The following SLC7A2 variants were observed in gnomAD, a reference collection of about 807,000 sequenced individuals.
SLC7A2 encodes the protein cationic amino acid transporter 2.
In SLC7A2, 48 loss-of-function variants were observed where a neutral mutation model predicts 58.9. The ratio of observed to expected loss-of-function variants is 0.82; its 90% CI spans 0.65 to 1.04. The LOEUF is 1.04. Among genes scored for constraint, SLC7A2 ranks in the 50% least tolerant of loss-of-function variants. The pLI, the probability that SLC7A2 is intolerant of heterozygous loss-of-function variation, is 0.00. For synonymous variants in SLC7A2, 363 were observed against 314.5 expected, an observed-to-expected ratio of 1.15 and a Z score of -1.63; for missense variants, 1,029 against 818.8, an observed-to-expected ratio of 1.26 and a Z score of -3.13.
intron 1 of SLC7A2, among the ~76,000 whole-genome samples, chr8:17,497,475 C>G (rs1799998924): frequency 1.3e-5 from 2 of 152,172 alleles, no homozygotes. Flanking sequence ...CCTTCGTCCT[C>G]GGGGCTGCGC....
At chr8:17,538,163 A>G (rs17632632) in intron 2 of SLC7A2, among the ~76,000 whole-genome samples, 4,057 of 152,274 alleles carry the variant, frequency 0.027, 108 homozygotes, top group East Asian at 0.09. Flanking sequence ...TTTTTAGTCT[A>G]ACTTCCTGGC....
chr8:17,502,307 G>C lies in SLC7A2; in HGVS notation c.-23+5G>C, dbSNP rs1351280705. 1 of 152,000 alleles carries C rather than the reference G, an allele frequency of 6.6e-6. No individual in the cohort carries two copies. Among genetic ancestry groups the C allele is most frequent in the Non-Finnish European group, 1.5e-5 (1 of 68,022 alleles). The allele number at this position is 152,000 out of a possible 1,614,324, so 9.4% of individuals were successfully genotyped here. Reference sequence around the variant, plus strand: ...GAAAGCAGTGAGCCCTTACAGGTTAGTGCTGATTTCAATCTTGGCTTGCAC... The same window carrying C: ...GAAAGCAGTGAGCCCTTACAGGTTACTGCTGATTTCAATCTTGGCTTGCAC... On this transcript the variant is annotated splice_donor_5th_base_variant and intron_variant, in intron 2 of 12. Coordinates refer to ENST00000494857, the MANE Select transcript of SLC7A2 (RefSeq NM_001370338.1).
chr8:17,508,432 T>A (rs191037932), intron 2 of SLC7A2, among the ~76,000 whole-genome samples: 5 of 152,138 alleles, frequency 3.3e-5, no homozygotes, highest in Non-Finnish European at 7.4e-5. Context: ...CTTTTAAAAA[T>A]GATCAATTGA....
At chr8:17,515,055 C>T (rs1234801786) in intron 2 of SLC7A2, among the ~76,000 whole-genome samples, 1 of 151,986 alleles carries the variant, frequency 6.6e-6, no homozygotes, top group East Asian at 1.9e-4. Flanking sequence ...TGCAAGGGTA[C>T]CAGGAAAAGG....
Position 17,548,778 on chromosome 8 carries a change from G to A in SLC7A2, c.633G>A (p.Val211=), listed in dbSNP as rs746280781. The A allele has an allele frequency of 2.5e-6, 4 of 1,613,916 alleles. No individual in the cohort carries two copies. In the South Asian group the frequency reaches 4.4e-5, roughly 18 times the overall value. ...TGTTTGTGATGGTTGCTGGGTTTGT[G>A]AAAGGAAATGTGGCAAACTGGAAGA... is the stretch of plus-strand genomic sequence containing the variant. ...VLLFVMVAGF[V]KGNVANWKIS... Residue 211 remains valine, a synonymous_variant, in exon 5 of 13, where the codon GTG becomes GTA. Coordinates refer to ENST00000494857, the MANE Select transcript of SLC7A2 (RefSeq NM_001370338.1).
At chr8:17,542,468 T>C (rs1388143656) in intron 2 of SLC7A2, among the ~76,000 whole-genome samples, 2 of 152,180 alleles carry the variant, frequency 1.3e-5, no homozygotes, top group Non-Finnish European at 2.9e-5. Context: ...ATGGGCAACA[T>C]AGTGAGACCC....
chr8:17,517,054 T>C (rs529392800), intron 2 of SLC7A2, among the ~76,000 whole-genome samples: 1 of 152,194 alleles, frequency 6.6e-6, no homozygotes, highest in Non-Finnish European at 1.5e-5. Flanking sequence ...AGGTGGGAAT[T>C]CTATACGAAA....
At chr8:17,515,354 G>T (rs367818438) in intron 2 of SLC7A2, among the ~76,000 whole-genome samples, 61 of 149,992 alleles carry the variant, frequency 4.1e-4, no homozygotes, top group African/African-American at 1.3e-3. Context: ...GGAGTGCAGT[G>T]TCGCAATCTC....
At chr8:17,526,137 T>C (rs978928579) in intron 2 of SLC7A2, among the ~76,000 whole-genome samples, 11 of 152,126 alleles carry the variant, frequency 7.2e-5, no homozygotes, top group African/African-American at 2.4e-4. Context: ...ACAATCAAAA[T>C]CCTAGTCTGA....
chr8:17,566,905 A>C lies in SLC7A2; in HGVS notation c.*1759A>C, dbSNP rs1408836785. The C allele has an allele frequency of 6.6e-6, 1 of 152,430 alleles. No individual in the cohort carries two copies. The highest frequency in any genetic ancestry group is 2.4e-5 in the African/African-American group (1 of 41,444). 9.4% of individuals were successfully genotyped at this position (152,430 alleles called of 1,614,324 possible). A position where few individuals can be genotyped will look rare whatever the true frequency, so the allele number is the denominator to read the frequency against. ...GACAAGGAAAACATTCGTTTTCCTC[A>C]TGGGTCTTCCAAGAAATGAGCTATT... On this transcript the variant is annotated 3_prime_UTR_variant, in exon 13 of 13. Coordinates refer to ENST00000494857, the MANE Select transcript of SLC7A2 (RefSeq NM_001370338.1).
At chr8:17,524,180 A>T (rs181622176) in intron 2 of SLC7A2, among the ~76,000 whole-genome samples, 127 of 152,326 alleles carry the variant, frequency 8.3e-4, no homozygotes, top group African/African-American at 2.9e-3. Flanking sequence ...TACAACCACT[A>T]TGGAAAACAG....
intron 4 of SLC7A2, among the ~76,000 whole-genome samples, chr8:17,546,082 A>G (rs1254854392): frequency 6.6e-6 from 1 of 152,172 alleles, no homozygotes; most frequent in African/African-American, 2.4e-5. Context: ...CAAAGAATTG[A>G]TTTTTGTTTT....
intron 6 of SLC7A2, among the ~76,000 whole-genome samples, chr8:17,551,443 A>C (rs956323390): frequency 6.6e-6 from 1 of 152,102 alleles, no homozygotes; most frequent in Non-Finnish European, 1.5e-5. Flanking sequence ...ACTAAAATAC[A>C]AAAATTAGCC....
intron 2 of SLC7A2, among the ~76,000 whole-genome samples, chr8:17,508,358 A>T (rs1236624647): frequency 6.6e-6 from 1 of 152,206 alleles, no homozygotes; most frequent in Non-Finnish European, 1.5e-5. Flanking sequence ...CTTATAAATT[A>T]TGTAAAATAT....
At chr8:17,507,879 T>A (rs1002420911) in intron 2 of SLC7A2, among the ~76,000 whole-genome samples, 4 of 152,310 alleles carry the variant, frequency 2.6e-5, no homozygotes, top group East Asian at 1.9e-4. Flanking sequence ...TTGAAATTTC[T>A]TGGAAATTAA....
intron 2 of SLC7A2, among the ~76,000 whole-genome samples, chr8:17,504,334 G>A (rs1800282424): frequency 6.6e-6 from 1 of 152,108 alleles, no homozygotes; most frequent in African/African-American, 2.4e-5. Flanking sequence ...AGTTTCTTAT[G>A]GAGTTCAGTG....
chr8:17,567,514 G>A lies in SLC7A2; in HGVS notation c.*2368G>A, dbSNP rs1363657587. On this transcript the variant is annotated 3_prime_UTR_variant, in exon 13 of 13. Coordinates refer to ENST00000494857, the MANE Select transcript of SLC7A2 (RefSeq NM_001370338.1). ...GCCTTTTTTTCTGTGAAGACTCAAC[G>A]GATGTGTGTGTTTGTATGTTTGTTA... 2 of 152,516 alleles carry A rather than the reference G, an allele frequency of 1.3e-5. No homozygotes were observed. Among genetic ancestry groups the A allele is most frequent in the African/African-American group, 2.4e-5 (1 of 41,420 alleles). The allele number at this position is 152,516 out of a possible 1,614,324, so 9.4% of individuals were successfully genotyped here.
chr8:17,530,403 C>T (rs1801399700), intron 2 of SLC7A2, among the ~76,000 whole-genome samples: 1 of 152,014 alleles, frequency 6.6e-6, no homozygotes, highest in African/African-American at 2.4e-5. Context: ...GACTTATGTG[C>T]TAAGGGTAGT....
Position 17,539,033 on chromosome 8 carries a change from A to G in SLC7A2, c.-22-4285A>G, listed in dbSNP as rs952071021. The G allele has an allele frequency of 2.2e-5, 20 of 913,612 alleles. No homozygotes were observed. The African/African-American group carries it at 2.9e-4, about 13-fold the overall frequency. The allele number at this position is 913,612 out of a possible 1,614,324, so 56.6% of individuals were successfully genotyped here. A position where few individuals can be genotyped will look rare whatever the true frequency, so the allele number is the denominator to read the frequency against. ...ATTCATTTCTAAGTGACTCAATGCA[A>G]CTTCAAACTTTTGAACTAAAGTGAA... On this transcript the variant is annotated intron_variant, in intron 2 of 12. Coordinates refer to ENST00000494857, the MANE Select transcript of SLC7A2 (RefSeq NM_001370338.1).
Sources: gnomAD v4.1 joint callset for allele counts (sites outside exome capture counted in the v4.1 genomes callset) on GRCh38, gnomAD v4.1.1 for gene constraint, MANE v1.5 for transcripts, NCBI Gene and HGNC (gene_info 2026-07-23, HGNC 2026-07-21) for gene names.